The following FHL1 variants were observed in gnomAD, a reference collection of about 807,000 sequenced individuals.
FHL1 encodes the protein four and a half LIM domains protein 1.
In FHL1, 1 loss-of-function variant was observed where a neutral mutation model predicts 20.3. That is an observed-to-expected ratio of 0.05 (90% CI 0.02 to 0.23). The LOEUF (loss-of-function observed/expected upper bound fraction) is 0.23. Among genes scored for constraint, FHL1 ranks in the 10% least tolerant of loss-of-function variants. FHL1 has a pLI of 1.00. For missense variants in FHL1, 177 were observed against 234.0 expected (o/e 0.76, Z 1.59); for synonymous variants, 82 against 88.9 (o/e 0.92, Z 0.44).
rs552340220 is a variant in FHL1 at position 136,173,449 on chromosome X, T to C, written c.-27+3469T>C. On this transcript the variant is annotated intron_variant, in intron 2 of 6. Coordinates refer to the FHL1 transcript ENST00000394153. ...AGAAGGAGAATCAGCACAGATGGGT[T>C]ACACAGACTTAGAGGATTTGGAAAC... 7.6e-4 allele frequency among the ~76,000 whole-genome samples: 86 copies of C among 112,480 alleles called. 2 individuals carry two copies. The South Asian group carries it at 0.032, about 41-fold the overall frequency.
chrX:136,210,182 G>A lies in FHL1; in HGVS notation c.*157G>A, dbSNP rs756632162. ...CCATTTTACAGTATTACTCAAATAA[G>A]GGCACACAGTGATCATATTAGCATT... On this transcript the variant is annotated 3_prime_UTR_variant, in exon 6 of 6. Coordinates refer to ENST00000370683, the MANE Select transcript of FHL1 (RefSeq NM_001159699.2). 1 of 794,285 alleles carries A rather than the reference G, an allele frequency of 1.3e-6. No homozygotes were observed. Among genetic ancestry groups the A allele is most frequent in the South Asian group, 2.2e-5 (1 of 46,233 alleles). 65.5% of individuals were successfully genotyped at this position (794,285 alleles called of 1,213,427 possible).
intron 2 of FHL1, chrX:136,182,772 A>G (rs1387805615): frequency 8.9e-6 from 1 of 112,179 alleles, no homozygotes; most frequent in Non-Finnish European, 1.9e-5. Context: ...TGTGTTCTCA[A>G]TCTCCAGACG....
At chrX:136,208,847 T>C (rs1276341083) in intron 5 of FHL1, among the ~76,000 whole-genome samples, 1 of 107,594 alleles carries the variant, frequency 9.3e-6, no homozygotes, top group African/African-American at 3.4e-5. Context: ...TTCCTGACTG[T>C]TGACTAACAA....
At chrX:136,185,698 A>G (rs183068095) in intron 2 of FHL1, among the ~76,000 whole-genome samples, 1 of 112,299 alleles carries the variant, frequency 8.9e-6, no homozygotes, top group African/African-American at 3.2e-5. Flanking sequence ...CTGACCTTTG[A>G]GGCTAGAGAC....
chrX:136,208,897 C>G (rs909820089), intron 5 of FHL1, among the ~76,000 whole-genome samples: 1 of 95,143 alleles, frequency 1.1e-5, no homozygotes, highest in African/African-American at 3.9e-5. Context: ...CAGCCAACAC[C>G]GGCAGGCACT....
In FHL1 at chrX:136,207,981, C is replaced by T; in HGVS notation, c.549+20C>T. On this transcript the variant is annotated intron_variant, in intron 4 of 5. Transcript: ENST00000370683. ...AACAAGGTATGCTTTCAAGGGAGTT[C>T]TGCATTGACCGTTGTTTCTAGAAGT... is the stretch of plus-strand genomic sequence containing the variant. 1.7e-6 allele frequency: 2 copies of T among 1,210,340 alleles called. No individual in the cohort carries two copies. The highest frequency in any genetic ancestry group is 2.2e-6 in the Non-Finnish European group (2 of 893,880).
At chrX:136,182,924 C>T (rs2073191869) in intron 2 of FHL1, 1 of 110,919 alleles carries the variant, frequency 9.0e-6, no homozygotes, top group African/African-American at 3.3e-5. Flanking sequence ...TGGCGAAACC[C>T]TGTCTCTACT....
chrX:136,158,365 A>G (rs2072476334), intron 1 of FHL1, among the ~76,000 whole-genome samples: 1 of 111,801 alleles, frequency 8.9e-6, no homozygotes, highest in African/African-American at 3.2e-5. Flanking sequence ...AGAAAAATCC[A>G]AGTGTCAAAA....
intron 1 of FHL1, among the ~76,000 whole-genome samples, chrX:136,160,531 A>G (rs2072537940): frequency 9.0e-6 from 1 of 111,395 alleles, no homozygotes. Context: ...GGCGCAAACA[A>G]TCCCTCTGCT....
At chrX:136,197,983 T>G (rs1485388391) in intron 1 of FHL1, among the ~76,000 whole-genome samples, 1 of 104,471 alleles carries the variant, frequency 9.6e-6, no homozygotes, top group Non-Finnish European at 2.0e-5. Flanking sequence ...TTTTTTTTTT[T>G]GAAAAATCAT....
intron 2 of FHL1, among the ~76,000 whole-genome samples, chrX:136,188,461 G>A (rs1363196702): frequency 1.8e-5 from 2 of 111,256 alleles, no homozygotes; most frequent in African/African-American, 6.5e-5. Context: ...GAGGCACAGG[G>A]TTTAGGGAGC....
rs73633451 is a variant in FHL1, at chrX:136,206,959, C to T, written c.205-57C>T. 3,767 of 1,175,967 alleles carry T rather than the reference C, an allele frequency of 3.2e-3. 76 individuals are homozygous for T. The African/African-American group carries it at 0.058, about 18-fold the overall frequency. On this transcript the variant is annotated intron_variant, in intron 2 of 5. Transcript: ENST00000370683. Reference sequence around the variant, plus strand: ...GGGAAATCAGCCTTATGGGAGGGCTCCTGCCACCACCCCCAGCACCCCTCA... The same window carrying T: ...GGGAAATCAGCCTTATGGGAGGGCTTCTGCCACCACCCCCAGCACCCCTCA...
chrX:136,178,897 G>A (rs1173900261), intron 2 of FHL1, among the ~76,000 whole-genome samples: 1 of 109,892 alleles, frequency 9.1e-6, no homozygotes, highest in Admixed American at 9.7e-5. Flanking sequence ...TGGGACTATA[G>A]GCGTGTGCCA....
At chrX:136,197,307 A>C (rs936042031) in intron 1 of FHL1, among the ~76,000 whole-genome samples, 173 bp downstream of exon 1, 1 of 112,610 alleles carries the variant, frequency 8.9e-6, no homozygotes, top group Non-Finnish European at 1.9e-5. Context: ...TCAAAGACAA[A>C]ATATTGTTCA....
rs1193917154 is a variant in FHL1, at chrX:136,162,351, G to A, written c.-100-7556G>A. Among the ~76,000 whole-genome samples, 3 of 110,940 alleles carry A rather than the reference G, an allele frequency of 2.7e-5. No homozygotes were observed. The Admixed American group carries it at 2.9e-4, about 11-fold the overall frequency. ...ACTCTGGGTCTCAGTTTATAAAAAG[G>A]CAAATGAACGAGATCATCTCTAAGA... On this transcript the variant is annotated intron_variant, in intron 1 of 7. Coordinates refer to the FHL1 transcript ENST00000394155.
intron 3 of FHL1, 122 bp downstream of exon 3, chrX:136,207,312 T>A: frequency 1.6e-6 from 1 of 635,488 alleles, no homozygotes; most frequent in Non-Finnish European, 2.4e-6. Flanking sequence ...TTAGCATATA[T>A]ATGTACACAT....
rs1569530908 is a variant in FHL1, at chrX:136,210,292, A to G, written c.*267A>G. 1 of 460,670 alleles carries G rather than the reference A, an allele frequency of 2.2e-6. No individual in the cohort carries two copies. Among genetic ancestry groups the G allele is most frequent in the Non-Finnish European group, 3.9e-6 (1 of 254,118 alleles). The allele number at this position is 460,670 out of a possible 1,213,427, so 38.0% of individuals were successfully genotyped here. On this transcript the variant is annotated 3_prime_UTR_variant, in exon 6 of 6. Transcript: ENST00000370683. ...AACTTAGGTAGATTGACTCTTCTGCATGTTTCTCATAGAGCAGAAAAGTGC... is the reference window on the plus strand; with the variant it reads ...AACTTAGGTAGATTGACTCTTCTGCGTGTTTCTCATAGAGCAGAAAAGTGC...
At position 136,185,826 on chromosome X, in the gene FHL1, G is replaced by C. The variant is rs979266220; in HGVS notation, c.-27+15846G>C. 1.4e-4 allele frequency among the ~76,000 whole-genome samples: 16 copies of C among 111,812 alleles called. 1 individual carries two copies. Among genetic ancestry groups the C allele is most frequent in the African/African-American group, 5.2e-4 (16 of 30,748 alleles). ...ATATAACGAACGTGGATGGTGTTTTGTTTTCCCAGAATGCAGTTTTAAGGT... is the reference window on the plus strand; with the variant it reads ...ATATAACGAACGTGGATGGTGTTTTCTTTTCCCAGAATGCAGTTTTAAGGT... On this transcript the variant is annotated intron_variant, in intron 2 of 6. Transcript: ENST00000394153.
intron 1 of FHL1, chrX:136,148,834 G>A (rs2072184531): frequency 8.9e-6 from 1 of 112,636 alleles, no homozygotes; most frequent in African/African-American, 3.2e-5. Flanking sequence ...GCCAGGTTTG[G>A]ATTTTGAATT....
Sources: allele counts gnomAD v4.1 joint callset (sites outside exome capture counted in the v4.1 genomes callset), GRCh38; gene constraint gnomAD v4.1.1; transcripts MANE v1.5; gene names NCBI Gene and HGNC (gene_info 2026-07-23, HGNC 2026-07-21).